The following AGBL1 variants were observed in gnomAD, a reference collection of about 807,000 sequenced individuals.
AGBL1 encodes cytosolic carboxypeptidase 4.
Under a neutral mutation model 118.9 loss-of-function variants are expected in AGBL1, and 130 were observed. The observed-to-expected ratio is 1.09, with a 90% confidence interval of 0.95 to 1.26. The LOEUF (loss-of-function observed/expected upper bound fraction) is 1.26. Ranked by LOEUF, AGBL1 falls within the 50% of genes most tolerant of loss-of-function variation. The pLI, the probability that AGBL1 is intolerant of heterozygous loss-of-function variation, is 0.00. For missense variants in AGBL1, 1,584 were observed against 1,298.1 expected (o/e 1.22, Z -3.38); for synonymous variants, 555 against 478.9 (o/e 1.16, Z -2.08).
At chr15:86,199,904 A>G (rs1013935584) in intron 5 of AGBL1, among the ~76,000 whole-genome samples, 9 of 152,198 alleles carry the variant, frequency 5.9e-5, no homozygotes, top group African/African-American at 1.7e-4. Flanking sequence ...AAGCCATCCA[A>G]TCCTATTAAT....
chr15:86,643,074 G>C (rs866244958), intron 21 of AGBL1, among the ~76,000 whole-genome samples: 1 of 152,056 alleles, frequency 6.6e-6, no homozygotes, highest in East Asian at 1.9e-4. Context: ...TTTTAGGCTG[G>C]CTCACTGCAT....
intron 21 of AGBL1, among the ~76,000 whole-genome samples, chr15:86,588,995 T>C (rs995035466): frequency 1.3e-5 from 2 of 152,142 alleles, no homozygotes; most frequent in East Asian, 3.9e-4. Flanking sequence ...ATTTTTTATG[T>C]GTATCTTTTC....
intron 6 of AGBL1, among the ~76,000 whole-genome samples, chr15:86,243,746 C>T (rs34397224): frequency 0.088 from 13,348 of 152,130 alleles, 966 homozygotes; most frequent in African/African-American, 0.19. Context: ...TGGTGGGTCA[C>T]GCCTGTAATT....
chr15:86,456,505 A>T (rs1302428098), intron 18 of AGBL1, among the ~76,000 whole-genome samples: 1 of 152,182 alleles, frequency 6.6e-6, no homozygotes, highest in Non-Finnish European at 1.5e-5. Flanking sequence ...AGCAGTTGAG[A>T]AGAAAAACCT....
At chr15:86,156,785 C>CTT (rs10644257) in intron 4 of AGBL1, among the ~76,000 whole-genome samples, 2 of 128,690 alleles carry the variant, frequency 1.6e-5, no homozygotes, top group African/African-American at 5.4e-5. Context: ...TTTCTTTTTT[C>CTT]TTTTCTTTCT....
intron 18 of AGBL1, among the ~76,000 whole-genome samples, chr15:86,449,923 C>T (rs1021671899): frequency 5.4e-5 from 8 of 147,186 alleles, no homozygotes; most frequent in East Asian, 2.1e-4. Context: ...CAAATAAAAC[C>T]CCTTTCTCTT....
At chr15:86,964,539 A>G (rs1454679522) in intron 23 of AGBL1, among the ~76,000 whole-genome samples, 1 of 151,970 alleles carries the variant, frequency 6.6e-6, no homozygotes, top group African/African-American at 2.4e-5. Context: ...GTTACAGTAA[A>G]TCACCTCCTG....
At chr15:86,688,064 C>A (rs1463688557) in intron 22 of AGBL1, among the ~76,000 whole-genome samples, 1 of 152,080 alleles carries the variant, frequency 6.6e-6, no homozygotes, top group Non-Finnish European at 1.5e-5. Flanking sequence ...TATGAAACTT[C>A]CTTAAAAAGT....
At chr15:86,239,152 A>T (rs2078602327) in intron 6 of AGBL1, among the ~76,000 whole-genome samples, 1 of 152,230 alleles carries the variant, frequency 6.6e-6, no homozygotes, top group Admixed American at 6.5e-5. Flanking sequence ...ATTCATCTAG[A>T]TTTAAAACAG....
At chr15:86,158,878 T>G in intron 4 of AGBL1, 55 bp from the exon 5 acceptor site, 7 of 1,512,518 alleles carry the variant, frequency 4.6e-6, no homozygotes, top group Non-Finnish European at 6.4e-6. Flanking sequence ...CAAGTTGTCT[T>G]GAGCCTTAAC....
At chr15:86,460,573 G>A (rs1338888666) in intron 18 of AGBL1, among the ~76,000 whole-genome samples, 2 of 152,044 alleles carry the variant, frequency 1.3e-5, no homozygotes, top group Non-Finnish European at 1.5e-5. Context: ...AGCTTCCCAG[G>A]TTCCCAGGTA....
chr15:86,220,200 C>T (rs961501144), intron 5 of AGBL1, among the ~76,000 whole-genome samples: 1 of 152,150 alleles, frequency 6.6e-6, no homozygotes, highest in Non-Finnish European at 1.5e-5. Flanking sequence ...GATCCACCTG[C>T]CTCGGCCTCC....
At chr15:86,743,845 G>C (rs908269698) in intron 22 of AGBL1, among the ~76,000 whole-genome samples, 9 of 151,874 alleles carry the variant, frequency 5.9e-5, no homozygotes, top group Non-Finnish European at 1.3e-4. Context: ...GGCCTTTCCA[G>C]TGTATCTGAT....
chr15:86,141,554 G>A (rs1262161341), intron 1 of AGBL1, among the ~76,000 whole-genome samples: 2 of 152,180 alleles, frequency 1.3e-5, no homozygotes, highest in Admixed American at 1.3e-4. Context: ...GGCAGGCTGA[G>A]GCAGAAGAAC....
intron 22 of AGBL1, among the ~76,000 whole-genome samples, chr15:86,835,981 A>G (rs946523442): frequency 6.6e-6 from 1 of 152,202 alleles, no homozygotes; most frequent in African/African-American, 2.4e-5. Flanking sequence ...CTTATCTTTC[A>G]TCAAGTCTGC....
At chr15:86,245,222 T>C (rs2078701258) in intron 6 of AGBL1, among the ~76,000 whole-genome samples, 1 of 152,200 alleles carries the variant, frequency 6.6e-6, no homozygotes, top group African/African-American at 2.4e-5. Flanking sequence ...GAATAAAGCA[T>C]TACATTTCCA....
In AGBL1 at chr15:86,196,879, G is replaced by GCGCGCGCGCACA. The variant is rs756313941; in HGVS notation, c.489-28034_489-28033insGCGCGCGCACAC. Among the ~76,000 whole-genome samples, 225 of 116,998 alleles carry GCGCGCGCGCACA rather than the reference G, an allele frequency of 1.9e-3. 1 individual carries two copies. The highest frequency in any genetic ancestry group is 6.5e-3 in the African/African-American group (181 of 27,646). 76.8% of individuals were successfully genotyped at this position (116,998 alleles called of 152,430 possible). On this transcript the variant is annotated intron_variant, in intron 5 of 22. Transcript: ENST00000614907. ...CGAATGTGCACATGTGCGCGCGCGC[G>GCGCGCGCGCACA]CACACACACACACACACACACACAC...
chr15:86,153,623 C>G (rs57099438), intron 3 of AGBL1, among the ~76,000 whole-genome samples: 2,801 of 152,214 alleles, frequency 0.018, 88 homozygotes, highest in African/African-American at 0.062. Flanking sequence ...CAAACCTGCA[C>G]GTTGTGCACA....
At chr15:86,305,994 A>AT (rs199518419) in intron 17 of AGBL1, among the ~76,000 whole-genome samples, 1 of 151,910 alleles carries the variant, frequency 6.6e-6, no homozygotes, top group Non-Finnish European at 1.5e-5. Flanking sequence ...AGTTTTTAAA[A>AT]TTTTTTTTAA....
Sources: gnomAD v4.1 joint callset for allele counts (sites outside exome capture counted in the v4.1 genomes callset) on GRCh38, gnomAD v4.1.1 for gene constraint, MANE v1.5 for transcripts, NCBI Gene and HGNC (gene_info 2026-07-23, HGNC 2026-07-21) for gene names.